The following ZFHX3 variants were observed in gnomAD, a reference collection of about 807,000 sequenced individuals.
The protein encoded by ZFHX3 is zinc finger homeobox 3, also known as zinc finger homeobox protein 3.
ZFHX3 carries 42 observed loss-of-function variants against 279.1 expected under a neutral mutation model. The ratio of observed to expected loss-of-function variants is 0.15; its 90% CI spans 0.12 to 0.19. The LOEUF is 0.19. Among genes scored for constraint, ZFHX3 ranks in the 10% least tolerant of loss-of-function variants. The pLI is 1.00. For missense variants in ZFHX3, 4,981 were observed against 4,754.0 expected (o/e 1.05, Z -1.40); for synonymous variants, 2,293 against 1,957.8 (o/e 1.17, Z -4.52).
chr16:73,635,435 C>A (rs999080515), intron 2 of ZFHX3, among the ~76,000 whole-genome samples: 1 of 152,202 alleles, frequency 6.6e-6, no homozygotes, highest in Non-Finnish European at 1.5e-5. Context: ...AACAGACAAA[C>A]ACACACGTAT....
chr16:73,652,873 T>C (rs1313381762), intron 2 of ZFHX3, among the ~76,000 whole-genome samples: 2 of 152,164 alleles, frequency 1.3e-5, no homozygotes, highest in Non-Finnish European at 2.9e-5. Flanking sequence ...AATTTAACAC[T>C]GATTGCATTA....
intron 2 of ZFHX3, chr16:73,486,849 C>T (rs1475286564): frequency 4.4e-6 from 2 of 456,020 alleles, no homozygotes; most frequent in Non-Finnish European, 8.8e-6. Context: ...TCAGGCTTTA[C>T]CCAGAACCTG....
intron 3 of ZFHX3, among the ~76,000 whole-genome samples, chr16:73,396,081 T>G (rs1474347157): frequency 6.6e-6 from 1 of 152,212 alleles, no homozygotes; most frequent in African/African-American, 2.4e-5. Context: ...AGCAATTCTG[T>G]TGAAGTTATG....
intron 1 of ZFHX3, among the ~76,000 whole-genome samples, chr16:73,720,925 A>T (rs1257460480): frequency 6.6e-6 from 1 of 152,182 alleles, no homozygotes; most frequent in Non-Finnish European, 1.5e-5. Context: ...TTTTCATCAG[A>T]AAAATAAGGC....
At chr16:73,460,764 T>C (rs138668008) in intron 2 of ZFHX3, among the ~76,000 whole-genome samples, 18 of 152,296 alleles carry the variant, frequency 1.2e-4, no homozygotes, top group Non-Finnish European at 2.1e-4. Flanking sequence ...ATCCACTTTG[T>C]GCTGTCCTCA....
intron 2 of ZFHX3, among the ~76,000 whole-genome samples, chr16:73,567,835 CTCTT>C (rs2020472131): frequency 6.6e-6 from 1 of 152,000 alleles, no homozygotes; most frequent in South Asian, 2.1e-4. Context: ...ACAGAACAAA[CTCTT>C]TGTTTCAGTG....
intron 2 of ZFHX3, among the ~76,000 whole-genome samples, chr16:73,482,663 G>C (rs2018890493): frequency 2.0e-5 from 3 of 152,308 alleles, no homozygotes; most frequent in South Asian, 2.1e-4. Context: ...TGTACAAATG[G>C]AGAAAATGAG....
At chr16:72,935,346 G>A (rs187824217) in intron 3 of ZFHX3, among the ~76,000 whole-genome samples, 23 of 152,256 alleles carry the variant, frequency 1.5e-4, no homozygotes, top group African/African-American at 4.6e-4. Context: ...AAAGACGCTC[G>A]CCCAAGGATA....
At chr16:73,743,373 T>G (rs557326362) in intron 1 of ZFHX3, among the ~76,000 whole-genome samples, 1 of 152,200 alleles carries the variant, frequency 6.6e-6, no homozygotes, top group African/African-American at 2.4e-5. Flanking sequence ...TCATCGCAAA[T>G]TACAATACAC....
intron 3 of ZFHX3, among the ~76,000 whole-genome samples, chr16:73,383,305 C>T (rs2016846284): frequency 6.6e-6 from 1 of 152,192 alleles, no homozygotes; most frequent in South Asian, 2.1e-4. Flanking sequence ...TGACAGGCAG[C>T]ACAAAGAAAT....
intron 7 of ZFHX3, among the ~76,000 whole-genome samples, chr16:73,097,953 C>A (rs1294064372): frequency 6.6e-6 from 1 of 152,176 alleles, no homozygotes; most frequent in African/African-American, 2.4e-5. Flanking sequence ...TATGGATATA[C>A]CACATTATGT....
At chr16:73,013,342 C>T (rs2144628885) in intron 1 of ZFHX3, among the ~76,000 whole-genome samples, 1 of 152,256 alleles carries the variant, frequency 6.6e-6, no homozygotes, top group Non-Finnish European at 1.5e-5. Flanking sequence ...GGTTGGAGTG[C>T]AGTAGTACGA....
chr16:73,834,241 T>C (rs1038791248), intron 1 of ZFHX3, among the ~76,000 whole-genome samples: 1 of 152,184 alleles, frequency 6.6e-6, no homozygotes, highest in African/African-American at 2.4e-5. Context: ...CTTCATCTCA[T>C]GGTGTAATAG....
intron 3 of ZFHX3, among the ~76,000 whole-genome samples, chr16:72,937,615 T>G (rs2144329214): frequency 6.6e-6 from 1 of 152,264 alleles, no homozygotes; most frequent in African/African-American, 2.4e-5. Flanking sequence ...CCAGGTGACT[T>G]CCATGAGTAC....
chr16:73,040,473 G>A (rs4788490), intron 1 of ZFHX3, among the ~76,000 whole-genome samples: 3 of 151,808 alleles, frequency 2.0e-5, no homozygotes, highest in African/African-American at 4.8e-5. Context: ...CAAGCCAGCC[G>A]GGGAAGGCCT....
chr16:72,907,563 G>GTGTGTGTA (rs2144165741), intron 3 of ZFHX3, among the ~76,000 whole-genome samples: 1 of 142,108 alleles, frequency 7.0e-6, no homozygotes, highest in Admixed American at 6.8e-5. Context: ...GTGTGTGTGT[G>GTGTGTGTA]TGTGTGTGTG....
intron 2 of ZFHX3, among the ~76,000 whole-genome samples, chr16:73,644,782 T>A (rs931296775): frequency 1.3e-5 from 2 of 152,090 alleles, no homozygotes; most frequent in Non-Finnish European, 2.9e-5. Context: ...CTCCTCCAAA[T>A]AGGTAGAGGC....
At chr16:73,254,065 C>A (rs1597245714) in intron 5 of ZFHX3, among the ~76,000 whole-genome samples, 2 of 152,192 alleles carry the variant, frequency 1.3e-5, no homozygotes, top group African/African-American at 4.8e-5. Flanking sequence ...GGCCACGCCA[C>A]TCCCAGCCTG....
chr16:73,480,682 G>T (rs1210048209), intron 2 of ZFHX3, among the ~76,000 whole-genome samples: 2 of 152,204 alleles, frequency 1.3e-5, no homozygotes, highest in Admixed American at 1.3e-4. Flanking sequence ...TGGCTGGAGT[G>T]AAGAGGTGTC....
Sources: allele counts gnomAD v4.1 joint callset (sites outside exome capture counted in the v4.1 genomes callset), GRCh38; gene constraint gnomAD v4.1.1; transcripts MANE v1.5; gene names NCBI Gene and HGNC (gene_info 2026-07-23, HGNC 2026-07-21).